The following TATDN1 variants were observed in gnomAD, a reference collection of about 807,000 sequenced individuals.
TATDN1 encodes the protein TatD DNase domain containing 1.
A neutral mutation model predicts 46.4 loss-of-function variants in TATDN1; 40 were observed. The observed-to-expected ratio is 0.86, with a 90% CI of 0.67 to 1.12. The LOEUF (loss-of-function observed/expected upper bound fraction) is 1.12. TATDN1 is among the 50% of genes most tolerant of loss of function. TATDN1 has a pLI of 0.00. For missense variants in TATDN1, 326 were observed against 348.4 expected (o/e 0.94, Z 0.51); for synonymous variants, 95 against 105.6 (o/e 0.90, Z 0.62).
rs575946917 is a variant in TATDN1, at chr8:124,518,022, C to T, written c.202+796G>A. ...GTCAGGAGATCAAGACCCATCTTGG[C>T]TAACACAGTGAAACCCCTTCTCTAC... On this transcript the variant is annotated intron_variant, in intron 4 of 11. Coordinates refer to ENST00000276692, the MANE Select transcript of TATDN1 (RefSeq NM_032026.4). 1.9e-3 allele frequency among the ~76,000 whole-genome samples: 280 copies of T among 150,688 alleles called. 1 individual carries two copies. Among genetic ancestry groups the T allele is most frequent in the African/African-American group, 6.5e-3 (266 of 40,954 alleles).
chr8:124,516,507 G>C (rs546478969), intron 4 of TATDN1, among the ~76,000 whole-genome samples: 2 of 150,816 alleles, frequency 1.3e-5, no homozygotes, highest in Admixed American at 6.6e-5. Context: ...ACAGGGTTTC[G>C]CTACGTTGCC....
At position 124,515,954 on chromosome 8, in the gene TATDN1, T is replaced by G; in HGVS notation, c.279A>C (p.Leu93Phe). 6.2e-7 allele frequency: 1 copy of G among 1,614,010 alleles called. No individual in the cohort carries two copies. Among genetic ancestry groups the G allele is most frequent in the Non-Finnish European group, 8.5e-7 (1 of 1,179,998 alleles). ...EFEKNNPDLY[L>F]KELLNLAENN... ...TTTCAGCAAGATTTAGCAACTCCTT[T>G]AAGTAAAGATCAGGGTTATTCTTTT... Residue 93 changes from leucine (L) to phenylalanine (F), a missense_variant, in exon 5 of 12, where the codon TTA becomes TTC. By Grantham distance (22) the Leu-to-Phe change is conservative. Coordinates refer to ENST00000276692, the MANE Select transcript of TATDN1 (RefSeq NM_032026.4).
intron 9 of TATDN1, among the ~76,000 whole-genome samples, chr8:124,502,268 G>A (rs1393388412): frequency 6.6e-6 from 1 of 151,622 alleles, no homozygotes; most frequent in Non-Finnish European, 1.5e-5. Context: ...GTGAACCCGG[G>A]AGGCGGAGCC....
Position 124,518,844 on chromosome 8 carries a change from T to C in TATDN1, c.176A>G (p.Asp59Gly), listed in dbSNP as rs1819780265. Residue 59 changes from aspartate (D) to glycine (G), a missense_variant, in exon 4 of 12, where the codon GAT (aspartate) becomes GGT (glycine). Coordinates refer to ENST00000276692, the MANE Select transcript of TATDN1 (RefSeq NM_032026.4). Reference sequence around the variant, plus strand: ...ATTTGTTTGTGCCAAATGCAGTGCATCTTTACTGTCTTGTAGATTTCCACC... The same window carrying C: ...ATTTGTTTGTGCCAAATGCAGTGCACCTTTACTGTCTTGTAGATTTCCACC... ...ITGGNLQDSKDALHLAQTNGM... is the reference protein window; with the variant it reads ...ITGGNLQDSKGALHLAQTNGM... 1.2e-6 allele frequency: 2 copies of C among 1,611,804 alleles called. No homozygotes were observed. Among genetic ancestry groups the C allele is most frequent in the East Asian group, 2.2e-5 (1 of 44,862 alleles).
intron 8 of TATDN1, among the ~76,000 whole-genome samples, chr8:124,507,027 T>A (rs773693925): frequency 1.2e-4 from 19 of 152,036 alleles, no homozygotes; most frequent in Non-Finnish European, 1.9e-4. Context: ...CTGGACGTGG[T>A]GGTGTGCACC....
At position 124,504,071 on chromosome 8, in the gene TATDN1, C is replaced by G. The variant is rs113339122; in HGVS notation, c.593+200G>C. 1.2e-5 allele frequency: 9 copies of G among 773,788 alleles called. No individual in the cohort carries two copies. The East Asian group carries it at 2.7e-4, about 23-fold the overall frequency. 47.9% of individuals were successfully genotyped at this position (773,788 alleles called of 1,614,324 possible). A position where few individuals can be genotyped will look rare whatever the true frequency, so the allele number is the denominator to read the frequency against. On this transcript the variant is annotated intron_variant, in intron 9 of 11. Coordinates refer to ENST00000276692, the MANE Select transcript of TATDN1 (RefSeq NM_032026.4). The stretch of plus-strand genomic sequence containing the variant: ...CATTATTAGAACATAATGTAGTAGT[C>G]TATAACTTTCGAGCTTTAACTTTTA...
intron 11 of TATDN1, among the ~76,000 whole-genome samples, chr8:124,490,574 A>T (rs1400028562): frequency 6.6e-6 from 1 of 152,170 alleles, no homozygotes; most frequent in African/African-American, 2.4e-5. Context: ...ACTGTTTGAT[A>T]ATGCAGTTTA....
intron 1 of TATDN1, chr8:124,538,551 C>T (rs1586702997): frequency 5.5e-6 from 1 of 182,850 alleles, no homozygotes; most frequent in South Asian, 9.4e-5. Context: ...CAACTGGGAG[C>T]TTTGTGCCCT....
intron 8 of TATDN1, among the ~76,000 whole-genome samples, chr8:124,506,487 T>C (rs929081435): frequency 1.1e-4 from 17 of 152,188 alleles, no homozygotes; most frequent in Middle Eastern, 3.4e-3. Flanking sequence ...TAAGTACAGT[T>C]CCTACAGGAT....
intron 6 of TATDN1, among the ~76,000 whole-genome samples, chr8:124,510,765 G>A (rs77178036): frequency 6.7e-6 from 1 of 150,024 alleles, no homozygotes; most frequent in Admixed American, 6.7e-5. Context: ...TCAAGGCTGC[G>A]GTGAGCCATG....
chr8:124,532,088 A>G (rs1041849146), intron 1 of TATDN1, among the ~76,000 whole-genome samples: 1 of 148,510 alleles, frequency 6.7e-6, no homozygotes, highest in Non-Finnish European at 1.5e-5. Flanking sequence ...CAAGGGGGGG[A>G]GGAGGAGGAG....
In TATDN1 at chr8:124,492,472, T is replaced by C. The variant is rs1166415123; in HGVS notation, c.791+1361A>G. Among the ~76,000 whole-genome samples the C allele has an allele frequency of 2.0e-5, 3 of 152,134 alleles. No homozygotes were observed. The East Asian group carries it at 5.8e-4, about 29-fold the overall frequency. Reference sequence around the variant, plus strand: ...CCAGTTTCTTTTCTCTAGTGTCCTTTTAGTTCCCCAAAAAATTGGCTGGGT... The same window carrying C: ...CCAGTTTCTTTTCTCTAGTGTCCTTCTAGTTCCCCAAAAAATTGGCTGGGT... On this transcript the variant is annotated intron_variant, in intron 11 of 11. Coordinates refer to ENST00000276692, the MANE Select transcript of TATDN1 (RefSeq NM_032026.4).
chr8:124,517,048 A>G (rs1819534594), intron 4 of TATDN1, among the ~76,000 whole-genome samples: 1 of 152,212 alleles, frequency 6.6e-6, no homozygotes, highest in South Asian at 2.1e-4. Flanking sequence ...TAAAAAGCAT[A>G]GCTGTTTGGG....
chr8:124,507,367 C>A (rs1372667594), intron 8 of TATDN1, among the ~76,000 whole-genome samples: 1 of 152,072 alleles, frequency 6.6e-6, no homozygotes, highest in African/African-American at 2.4e-5. Flanking sequence ...AAACCTAAAA[C>A]AAATGGTAAA....
chr8:124,503,840 C>T, intron 9 of TATDN1: 1 of 1,136,606 alleles, frequency 8.8e-7, no homozygotes, highest in Non-Finnish European at 1.2e-6. Flanking sequence ...AACTCTATAC[C>T]TGTTTCCTAA....
chr8:124,493,144 TTTG>T (rs1478745451), intron 11 of TATDN1, among the ~76,000 whole-genome samples: 1 of 152,240 alleles, frequency 6.6e-6, no homozygotes, highest in Non-Finnish European at 1.5e-5. Context: ...AACAACCTAT[TTTG>T]TTTTCTTTTT....
chr8:124,513,350 C>CGG (rs1819193530), intron 6 of TATDN1, among the ~76,000 whole-genome samples: 1 of 152,224 alleles, frequency 6.6e-6, no homozygotes, highest in Admixed American at 6.5e-5. Context: ...CATATGCTGT[C>CGG]ACCTTAGAGC....
intron 9 of TATDN1, among the ~76,000 whole-genome samples, chr8:124,502,614 G>A (rs1312847530): frequency 6.6e-6 from 1 of 152,158 alleles, no homozygotes; most frequent in African/African-American, 2.4e-5. Flanking sequence ...GGAATACATG[G>A]GATCTAAAAA....
chr8:124,522,440 G>C (rs1820132200), intron 2 of TATDN1, among the ~76,000 whole-genome samples: 1 of 151,980 alleles, frequency 6.6e-6, no homozygotes, highest in African/African-American at 2.4e-5. Context: ...TTTTGAGACG[G>C]AGTTTCGTTC....
Sources: allele counts gnomAD v4.1 joint callset (sites outside exome capture counted in the v4.1 genomes callset), GRCh38; gene constraint gnomAD v4.1.1; transcripts MANE v1.5; gene names NCBI Gene and HGNC (gene_info 2026-07-23, HGNC 2026-07-21).